LHFPL6: variants seen among roughly 807,000 people sequenced by gnomAD.
LHFPL6 encodes LHFPL tetraspan subfamily member 6, also known as LHFPL tetraspan subfamily member 6 protein.
LHFPL6 carries 9 observed loss-of-function variants against 20.6 expected under a neutral mutation model. The observed-to-expected ratio is 0.44, with a 90% CI of 0.26 to 0.76. LHFPL6 has a LOEUF of 0.76. LHFPL6 is among the 30% of genes least tolerant of loss of function. The probability of loss-of-function intolerance (pLI) is 0.20; values close to 1 mark genes in which losing one functional copy is unlikely to be tolerated. For synonymous variants in LHFPL6, 105 were observed against 98.7 expected, an observed-to-expected ratio of 1.06 and a Z score of -0.38; for missense variants, 218 against 253.5, an observed-to-expected ratio of 0.86 and a Z score of 0.95.
chr13:39,534,336 T>C (rs555691202), intron 2 of LHFPL6, among the ~76,000 whole-genome samples: 33 of 152,274 alleles, frequency 2.2e-4, no homozygotes, highest in African/African-American at 7.7e-4. Context: ...AAATAAAATA[T>C]GTAAGCCATT....
chr13:39,535,627 C>T (rs1870593745), intron 2 of LHFPL6, among the ~76,000 whole-genome samples: 1 of 152,308 alleles, frequency 6.6e-6, no homozygotes, highest in South Asian at 2.1e-4. Context: ...TCTATGAATT[C>T]AGGGACAGTG....
At chr13:39,592,280 A>T (rs1385670304) in intron 2 of LHFPL6, among the ~76,000 whole-genome samples, 1 of 152,088 alleles carries the variant, frequency 6.6e-6, no homozygotes, top group Non-Finnish European at 1.5e-5. Context: ...ATTTAAAAAC[A>T]TTATTAGATA....
At chr13:39,364,201 C>T (rs1460765377) in intron 3 of LHFPL6, among the ~76,000 whole-genome samples, 1 of 152,174 alleles carries the variant, frequency 6.6e-6, no homozygotes, top group Non-Finnish European at 1.5e-5. Flanking sequence ...AGAGATGGGC[C>T]AATCAGAGAA....
At chr13:39,391,824 A>C (rs1870714690) in intron 2 of LHFPL6, among the ~76,000 whole-genome samples, 2 of 152,228 alleles carry the variant, frequency 1.3e-5, no homozygotes, top group South Asian at 2.1e-4. Context: ...AGGAAAGAAG[A>C]ACCTCATCCA....
intron 2 of LHFPL6, among the ~76,000 whole-genome samples, chr13:39,479,899 G>A (rs905469104): frequency 6.6e-4 from 101 of 152,148 alleles, no homozygotes; most frequent in African/African-American, 2.2e-3. Flanking sequence ...TGCCAGGGCC[G>A]GGTGTACCCC....
At chr13:39,549,826 A>G (rs1278798866) in intron 2 of LHFPL6, among the ~76,000 whole-genome samples, 2 of 152,138 alleles carry the variant, frequency 1.3e-5, no homozygotes, top group Non-Finnish European at 2.9e-5. Flanking sequence ...GCAATGGTAT[A>G]CTACTCAGCA....
In LHFPL6 at chr13:39,600,519, C is replaced by T. The variant is rs555551082; in HGVS notation, c.385+313G>A. Among the ~76,000 whole-genome samples the T allele has an allele frequency of 3.9e-5, 6 of 152,262 alleles. 1 individual carries two copies. The highest frequency in any genetic ancestry group is 4.1e-4 in the South Asian group (2 of 4,822). ...TCTAATTGTCTATTGTTTAACATAA[C>T]GAACAAGAAGCTATAAAATCCAAAC... On this transcript the variant is annotated intron_variant, in intron 2 of 3. Coordinates refer to ENST00000379589, the MANE Select transcript of LHFPL6 (RefSeq NM_005780.3).
chr13:39,362,709 G>A (rs1310592184), intron 3 of LHFPL6, among the ~76,000 whole-genome samples: 2 of 152,174 alleles, frequency 1.3e-5, no homozygotes, highest in African/African-American at 4.8e-5. Flanking sequence ...CAGCTCAGTT[G>A]GTTCCTGCCC....
At chr13:39,525,166 G>C (rs1355053776) in intron 2 of LHFPL6, among the ~76,000 whole-genome samples, 2 of 152,186 alleles carry the variant, frequency 1.3e-5, no homozygotes, top group Non-Finnish European at 2.9e-5. Flanking sequence ...GGCAAGAGGT[G>C]CTGCCAATTG....
chr13:39,602,669 C>T (rs1400947622), intron 1 of LHFPL6, among the ~76,000 whole-genome samples: 1 of 152,208 alleles, frequency 6.6e-6, no homozygotes, highest in Non-Finnish European at 1.5e-5. Context: ...TTCCAGCCGG[C>T]TCTGGACGAA....
intron 2 of LHFPL6, among the ~76,000 whole-genome samples, chr13:39,529,615 C>T (rs1870399439): frequency 6.6e-6 from 1 of 152,136 alleles, no homozygotes; most frequent in African/African-American, 2.4e-5. Flanking sequence ...ACAGTAAGAG[C>T]AAAGAATAAA....
intron 2 of LHFPL6, among the ~76,000 whole-genome samples, chr13:39,538,475 G>A (rs1870695650): frequency 6.8e-6 from 1 of 146,212 alleles, no homozygotes. Context: ...CCGGGTCAGA[G>A]AGCAACATAC....
At chr13:39,500,690 A>C (rs1444649972) in intron 2 of LHFPL6, among the ~76,000 whole-genome samples, 1 of 152,192 alleles carries the variant, frequency 6.6e-6, no homozygotes, top group East Asian at 1.9e-4. Context: ...AGGCCCATGA[A>C]TTGTATATTA....
chr13:39,497,717 C>T (rs934094165), intron 2 of LHFPL6, among the ~76,000 whole-genome samples: 1 of 152,106 alleles, frequency 6.6e-6, no homozygotes, highest in African/African-American at 2.4e-5. Flanking sequence ...TTTATGATAG[C>T]AATTCCAAAG....
intron 3 of LHFPL6, among the ~76,000 whole-genome samples, chr13:39,369,143 ACTAGCATAT>A: frequency 6.6e-6 from 1 of 151,668 alleles, no homozygotes; most frequent in East Asian, 1.9e-4. Flanking sequence ...TAAAAGAGAG[ACTAGCATAT>A]TCTCCCCAAT....
At chr13:39,443,746 A>G (rs972503222) in intron 2 of LHFPL6, among the ~76,000 whole-genome samples, 7 of 151,944 alleles carry the variant, frequency 4.6e-5, no homozygotes, top group African/African-American at 1.7e-4. Flanking sequence ...TTTTTACTTT[A>G]TGATGGTGTG....
chr13:39,403,120 C>T (rs1871033311), intron 2 of LHFPL6, among the ~76,000 whole-genome samples: 1 of 152,164 alleles, frequency 6.6e-6, no homozygotes, highest in African/African-American at 2.4e-5. Context: ...ATTTAGACTC[C>T]CATCTATTGA....
chr13:39,420,442 A>G (rs1871452162), intron 2 of LHFPL6, among the ~76,000 whole-genome samples: 1 of 152,206 alleles, frequency 6.6e-6, no homozygotes, highest in Admixed American at 6.5e-5. Flanking sequence ...CAAACAGGAG[A>G]GTGCTTACCA....
intron 2 of LHFPL6, among the ~76,000 whole-genome samples, chr13:39,482,458 TAAG>T (rs200046970): frequency 0.028 from 4,205 of 148,428 alleles, 183 homozygotes; most frequent in African/African-American, 0.099. Flanking sequence ...AAAAAAAAAT[TAAG>T]AAGAACAGTC....
Sources: gnomAD v4.1 joint callset for allele counts (sites outside exome capture counted in the v4.1 genomes callset) on GRCh38, gnomAD v4.1.1 for gene constraint, MANE v1.5 for transcripts, NCBI Gene and HGNC (gene_info 2026-07-23, HGNC 2026-07-21) for gene names.